The following CSMD1 variants were observed in gnomAD, a reference collection of about 807,000 sequenced individuals.
CSMD1 encodes CUB and sushi domain-containing protein 1.
A neutral mutation model predicts 417.5 loss-of-function variants in CSMD1; 213 were observed. That is an observed-to-expected ratio of 0.51 (90% CI 0.46 to 0.57). The LOEUF (loss-of-function observed/expected upper bound fraction) is 0.57. CSMD1 is among the 20% of genes least tolerant of loss of function. The pLI is 0.00. For missense variants in CSMD1, 6,923 were observed against 4,529.7 expected (o/e 1.53, Z -15.17); for synonymous variants, 2,862 against 1,736.8 (o/e 1.65, Z -16.11).
At chr8:3,597,039 G>C (rs1480936716) in intron 8 of CSMD1, among the ~76,000 whole-genome samples, 1 of 152,142 alleles carries the variant, frequency 6.6e-6, no homozygotes, top group Admixed American at 6.5e-5. Flanking sequence ...CCAGAGCCAG[G>C]AGCCCTGCAA....
Position 3,142,686 on chromosome 8 carries a change from C to T in CSMD1, c.6032-12G>A, listed in dbSNP as rs1233765526. 1 of 1,592,006 alleles carries T rather than the reference C, an allele frequency of 6.3e-7. No individual in the cohort carries two copies. Among genetic ancestry groups the T allele is most frequent in the South Asian group, 1.1e-5 (1 of 90,582 alleles). On this transcript the variant is annotated splice_polypyrimidine_tract_variant and intron_variant, in intron 40 of 69. Coordinates refer to ENST00000635120, the MANE Select transcript of CSMD1 (RefSeq NM_033225.6). ...CTGAATATGTGCACCTATGGAAAAA[C>T]ATGCAAACTTAATGAAAGTTCATAT...
intron 2 of CSMD1, among the ~76,000 whole-genome samples, chr8:4,475,847 A>C (rs1214450472): frequency 6.6e-6 from 1 of 152,072 alleles, no homozygotes; most frequent in Non-Finnish European, 1.5e-5. Flanking sequence ...TCCTGACCTC[A>C]GGTGATCCAC....
intron 3 of CSMD1, among the ~76,000 whole-genome samples, chr8:4,042,743 A>C (rs988766134): frequency 1.3e-5 from 2 of 149,770 alleles, no homozygotes; most frequent in Non-Finnish European, 3.0e-5. Flanking sequence ...AATACCACAG[A>C]GGCTGGGTAA....
rs181394925 is a variant in CSMD1 at position 4,230,840 on chromosome 8, G to C, written c.415+189113C>G. Among the ~76,000 whole-genome samples the C allele has an allele frequency of 1.3e-3, 203 of 152,024 alleles. 2 individuals carry two copies. The highest frequency in any genetic ancestry group is 4.7e-3 in the African/African-American group (194 of 41,456). The stretch of plus-strand genomic sequence containing the variant: ...GCAGTGTCACAATGTATTTTTTGTG[G>C]TTAGGAACAATCGATTATAGATTCT... On this transcript the variant is annotated intron_variant, in intron 3 of 69. Transcript: ENST00000635120.
intron 1 of CSMD1, among the ~76,000 whole-genome samples, chr8:4,906,763 C>G (rs1373199698): frequency 6.6e-6 from 1 of 152,082 alleles, no homozygotes; most frequent in African/African-American, 2.4e-5. Flanking sequence ...TTTCACCATG[C>G]TGGCCAGGTT....
Position 4,534,719 on chromosome 8 carries a change from T to G in CSMD1, c.302+102623A>C, listed in dbSNP as rs547458965. Among the ~76,000 whole-genome samples, 7 of 152,242 alleles carry G rather than the reference T, an allele frequency of 4.6e-5. No homozygotes were observed. The South Asian group carries it at 1.2e-3, about 27-fold the overall frequency. On this transcript the variant is annotated intron_variant, in intron 2 of 69. Coordinates refer to ENST00000635120, the MANE Select transcript of CSMD1 (RefSeq NM_033225.6). ...TATTCGGTCCCTGTGTTAGCTTGCT[T>G]AGGATTATGACCTCCAACTCCATCC...
chr8:3,358,250 T>G (rs1322275992), intron 21 of CSMD1, among the ~76,000 whole-genome samples: 2 of 152,220 alleles, frequency 1.3e-5, no homozygotes, highest in East Asian at 3.9e-4. Flanking sequence ...GGCTTGGTAT[T>G]AAGGAGAACC....
intron 23 of CSMD1, among the ~76,000 whole-genome samples, chr8:3,341,760 T>C (rs1807671530): frequency 6.6e-6 from 1 of 152,322 alleles, no homozygotes; most frequent in Non-Finnish European, 1.5e-5. Context: ...AACTTCCCCG[T>C]AATTAGACAA....
chr8:3,620,905 A>G (rs1209238779), intron 7 of CSMD1, among the ~76,000 whole-genome samples: 2 of 152,182 alleles, frequency 1.3e-5, no homozygotes, highest in South Asian at 4.1e-4. Flanking sequence ...TACACCTTGA[A>G]GTTCTAAACA....
chr8:3,486,225 T>TA (rs1451619921), intron 11 of CSMD1, among the ~76,000 whole-genome samples: 1 of 152,166 alleles, frequency 6.6e-6, no homozygotes, highest in Non-Finnish European at 1.5e-5. Context: ...ACTATAGTAA[T>TA]ACAATATTAC....
chr8:3,978,894 A>C (rs1439433344), intron 5 of CSMD1, among the ~76,000 whole-genome samples: 24 of 152,218 alleles, frequency 1.6e-4, no homozygotes, highest in Admixed American at 1.6e-3. Context: ...ATATGGGAAC[A>C]GTGAGAAGAC....
chr8:4,630,265 TACACACACACACACACACACACAC>T (rs57214957), intron 2 of CSMD1, among the ~76,000 whole-genome samples: 7 of 148,980 alleles, frequency 4.7e-5, no homozygotes, highest in African/African-American at 7.5e-5. Flanking sequence ...ACACAGCAAA[TACACACACACACACACACACACAC>T]ACACACACAC....
chr8:3,767,212 C>A (rs558918740), intron 5 of CSMD1, among the ~76,000 whole-genome samples: 1 of 152,332 alleles, frequency 6.6e-6, no homozygotes, highest in East Asian at 1.9e-4. Context: ...ATTCCATGCA[C>A]AGGCTCTGGA....
chr8:3,934,302 A>G (rs1810342322), intron 5 of CSMD1, among the ~76,000 whole-genome samples: 1 of 152,174 alleles, frequency 6.6e-6, no homozygotes, highest in African/African-American at 2.4e-5. Flanking sequence ...AGTGCCTACT[A>G]TGTATAAATG....
At chr8:3,740,278 C>T (rs7831409) in intron 6 of CSMD1, among the ~76,000 whole-genome samples, 104 of 152,194 alleles carry the variant, frequency 6.8e-4, no homozygotes, top group African/African-American at 2.3e-3. Flanking sequence ...GCGAATTTTT[C>T]TATTTTTAGT....
chr8:3,505,947 G>A (rs747479252), intron 10 of CSMD1, among the ~76,000 whole-genome samples: 23 of 152,282 alleles, frequency 1.5e-4, no homozygotes, highest in Admixed American at 9.8e-4. Context: ...TCTCCAAAAA[G>A]TTATGTAAAC....
At chr8:3,795,034 G>C (rs1298171104) in intron 5 of CSMD1, among the ~76,000 whole-genome samples, 3 of 150,002 alleles carry the variant, frequency 2.0e-5, no homozygotes, top group Admixed American at 6.7e-5. Flanking sequence ...TATAGCTATA[G>C]ATACATATCT....
At chr8:3,980,331 C>T (rs1003722286) in intron 5 of CSMD1, among the ~76,000 whole-genome samples, 6 of 152,114 alleles carry the variant, frequency 3.9e-5, no homozygotes, top group Non-Finnish European at 8.8e-5. Context: ...CGTCCGGAAG[C>T]AGTTCTGAGA....
chr8:3,301,694 C>G (rs1021977195), intron 25 of CSMD1, among the ~76,000 whole-genome samples: 1 of 152,142 alleles, frequency 6.6e-6, no homozygotes, highest in Non-Finnish European at 1.5e-5. Flanking sequence ...GCCAAAGATA[C>G]ACCTGGAAAG....
Sources: gnomAD v4.1 joint callset for allele counts (sites outside exome capture counted in the v4.1 genomes callset) on GRCh38, gnomAD v4.1.1 for gene constraint, MANE v1.5 for transcripts, NCBI Gene and HGNC (gene_info 2026-07-23, HGNC 2026-07-21) for gene names.